RNF213: variants seen among roughly 807,000 people sequenced by gnomAD.
The protein encoded by RNF213 is ring finger protein 213, also known as E3 ubiquitin-protein ligase RNF213.
RNF213 carries 341 observed loss-of-function variants against 514.4 expected under a neutral mutation model. The ratio of observed to expected loss-of-function variants is 0.66; its 90% CI spans 0.61 to 0.73. RNF213 has a LOEUF of 0.73. Among genes scored for constraint, RNF213 ranks in the 30% least tolerant of loss-of-function variants. The probability of loss-of-function intolerance (pLI) is 0.00; values close to 1 mark genes in which losing one functional copy is unlikely to be tolerated. For synonymous variants in RNF213, 2,655 were observed against 2,658.2 expected (o/e 1.00, Z 0.04); for missense variants, 5,767 against 6,615.6 (o/e 0.87, Z 4.45).
In RNF213 at chr17:80,363,696, G is replaced by A. The variant is rs1335280057; in HGVS notation, c.11656G>A (p.Val3886Met). 6.2e-7 allele frequency: 1 copy of A among 1,613,906 alleles called. No homozygotes were observed. Among genetic ancestry groups the A allele is most frequent in the Non-Finnish European group, 8.5e-7 (1 of 1,179,984 alleles). ...KPSPQAWLQLVKNLSMPLELI... is the reference protein window; with the variant it reads ...KPSPQAWLQLMKNLSMPLELI... Reference sequence around the variant, plus strand: ...CAGTCCCCAGGCGTGGCTACAGTTGGTGAAGAATCTTTCCATGCCGCTGGA... The same window carrying A: ...CAGTCCCCAGGCGTGGCTACAGTTGATGAAGAATCTTTCCATGCCGCTGGA... Residue 3886 changes from valine (V) to methionine (M), a missense_variant, in exon 41 of 68, where the codon GTG becomes ATG. This residue lies in a region of RNF213 where 355 missense variants were observed against 358.0 expected (regional missense o/e 0.99). Transcript: ENST00000582970.
rs778092772 is a variant in RNF213, at chr17:80,363,168, G to C, written c.11422G>C (p.Glu3808Gln). The C allele has an allele frequency of 2.5e-6, 4 of 1,614,130 alleles. No homozygotes were observed. Among genetic ancestry groups the C allele is most frequent in the African/African-American group, 1.3e-5 (1 of 74,950 alleles). Residue 3808 changes from glutamate to glutamine, a missense_variant, in exon 40 of 68, where the codon GAG (glutamate) becomes CAG (glutamine). Glu to Gln is a conservative substitution (Grantham distance 29, BLOSUM62 2). Transcript: ENST00000582970. ...LKAASEAPEEEVSLPWVHLAY... is the reference protein window; with the variant it reads ...LKAASEAPEEQVSLPWVHLAY... ...AGCGGCGTCAGAAGCGCCCGAGGAAGAGGTTTCCTTACCGTGGGTGCACCT... is the reference window on the plus strand; with the variant it reads ...AGCGGCGTCAGAAGCGCCCGAGGAACAGGTTTCCTTACCGTGGGTGCACCT...
intron 22 of RNF213, among the ~76,000 whole-genome samples, 187 bp from the exon 23 acceptor site, chr17:80,335,974 C>A: frequency 2.6e-5 from 2 of 76,064 alleles, no homozygotes; most frequent in Non-Finnish European, 2.9e-5. Flanking sequence ...GAGACTCTGT[C>A]TCAAAAAAAA....
At chr17:80,320,436 G>GCCTCCCCGCAACCA (rs2046101911) in intron 17 of RNF213, 2 of 151,774 alleles carry the variant, frequency 1.3e-5, no homozygotes, top group African/African-American at 4.8e-5. Flanking sequence ...CACCGCAACC[G>GCCTCCCCGCAACCA]CTGCCTCCCG....
At chr17:80,295,852 T>G in intron 10 of RNF213, 39 bp downstream of exon 10, 1 of 1,602,898 alleles carries the variant, frequency 6.2e-7, no homozygotes, top group Non-Finnish European at 8.5e-7. Flanking sequence ...TTATAGCTAT[T>G]ATAATGATTT....
In RNF213 at chr17:80,288,377, G is replaced by A; in HGVS notation, c.810+14G>A. On this transcript the variant is annotated intron_variant, in intron 4 of 67. Coordinates refer to ENST00000582970, the MANE Select transcript of RNF213 (RefSeq NM_001256071.3). The surrounding 1 kb of genome is among the most constrained non-coding windows in gnomAD (Gnocchi z 4.9). ...TCAGCCTCTATGGTGAGTCATCCGG[G>A]AGAGATGGCCTGGGAGTGGCACTGA... 3 of 1,611,398 alleles carry A rather than the reference G, an allele frequency of 1.9e-6. No homozygotes were observed. Among genetic ancestry groups the A allele is most frequent in the Middle Eastern group, 1.8e-4 (1 of 5,704 alleles).
Position 80,345,446 on chromosome 17 carries a change from C to T in RNF213, c.7111C>T (p.His2371Tyr). The T allele has an allele frequency of 6.2e-7, 1 of 1,612,484 alleles. No individual in the cohort carries two copies. The change falls in exon 29 of 68, where the codon CAC becomes TAC. Residue 2371 changes from histidine to tyrosine, a missense_variant. Around this residue, in one of 13 missense-constraint regions of RNF213, gnomAD observed 1,377 missense variants for 1,635.2 expected, o/e 0.84. Coordinates refer to ENST00000582970, the MANE Select transcript of RNF213 (RefSeq NM_001256071.3). This position sits in a 1 kb window ranked among gnomAD's most constrained non-coding sequence, Gnocchi z 6.0. ...TGTCGACTTTGATAAACTGCCCAGA[C>T]ACAAGAAACTTGAGAGGCTCTGCCT... Reference protein sequence around the residue: ...FNVDFDKLPRHKKLERLCLTL... With the variant: ...FNVDFDKLPRYKKLERLCLTL...
At chr17:80,265,140 G>A (rs1380262110) in intron 2 of RNF213, among the ~76,000 whole-genome samples, 5 of 150,954 alleles carry the variant, frequency 3.3e-5, no homozygotes, top group South Asian at 2.1e-4. Flanking sequence ...TCTGCCTCCC[G>A]GGTTCAAGTG....
In RNF213 at chr17:80,320,059, A is replaced by G. The variant is rs910635668; in HGVS notation, c.3024+747A>G. 6 of 996,226 alleles carry G rather than the reference A, an allele frequency of 6.0e-6. No homozygotes were observed. The African/African-American group carries it at 1.0e-4, about 17-fold the overall frequency. 61.7% of individuals were successfully genotyped at this position (996,226 alleles called of 1,614,324 possible). A position where few individuals can be genotyped will look rare whatever the true frequency, so the allele number is the denominator to read the frequency against. On this transcript the variant is annotated intron_variant, in intron 17 of 67. Transcript: ENST00000582970. The stretch of plus-strand genomic sequence containing the variant: ...TCGTATGCCATACGGTACATCTGTC[A>G]AAAGTTCCAGTTCAGCAGGTTTTGG...
intron 63 of RNF213, among the ~76,000 whole-genome samples, chr17:80,387,544 AC>A (rs1346441329): frequency 3.3e-5 from 5 of 152,180 alleles, no homozygotes; most frequent in African/African-American, 9.6e-5. Context: ...GCCAAAGCCC[AC>A]CCTGTAGTTA....
chr17:80,385,147 G>A lies in RNF213; in HGVS notation c.14431G>A (p.Gly4811Ser), dbSNP rs2080181963. Residue 4811 changes from glycine to serine, a missense_variant, in exon 60 of 68, where the codon GGC becomes AGC. Gly to Ser is a moderately conservative substitution (Grantham distance 56, BLOSUM62 0). Coordinates refer to ENST00000582970, the MANE Select transcript of RNF213 (RefSeq NM_001256071.3). ...VQQVEYSSIR[G>S]FLSKHSSDGL... ...GCAAGTTGAATACAGCTCCATCAGA[G>A]GCTTCCTCAGCAAGCACAGCTCAGG... is the stretch of plus-strand genomic sequence containing the variant. 1 of 1,614,018 alleles carries A rather than the reference G, an allele frequency of 6.2e-7. No individual in the cohort carries two copies.
intron 65 of RNF213, 44 bp downstream of exon 65, chr17:80,389,411 T>C: frequency 6.4e-7 from 1 of 1,566,660 alleles, no homozygotes. Context: ...CCCCTCACCC[T>C]GGTCTCCTGC....
Position 80,347,137 on chromosome 17 carries a change from C to G in RNF213, c.8802C>G (p.Ser2934=). ...VQDRVQGYFA[S]FAKAYETVCK... The stretch of plus-strand genomic sequence containing the variant: ...ACCGAGTCCAAGGGTACTTTGCGTC[C>G]TTTGCCAAAGCCTACGAAACGGTGT... Residue 2934 remains serine, a synonymous_variant, in exon 29 of 68, where the codon TCC becomes TCG. Transcript: ENST00000582970. This position sits in a 1 kb window ranked among gnomAD's most constrained non-coding sequence, Gnocchi z 7.2. 1 of 1,614,052 alleles carries G rather than the reference C, an allele frequency of 6.2e-7. No individual in the cohort carries two copies. The highest frequency in any genetic ancestry group is 1.1e-5 in the South Asian group (1 of 91,068).
intron 36 of RNF213, among the ~76,000 whole-genome samples, chr17:80,356,924 T>G (rs1459834905): frequency 6.3e-5 from 1 of 15,908 alleles, no homozygotes; most frequent in East Asian, 8.8e-4. Flanking sequence ...CCTTGTGGGG[T>G]TTTTTTTTTT....
chr17:80,286,424 T>C (rs907080092), intron 3 of RNF213, among the ~76,000 whole-genome samples: 2 of 152,156 alleles, frequency 1.3e-5, no homozygotes, highest in African/African-American at 4.8e-5. Flanking sequence ...GGGGTTGCAG[T>C]GTCGGCCTGG....
At position 80,332,304 on chromosome 17, in the gene RNF213, A is replaced by G. The variant is rs1305126077; in HGVS notation, c.3816A>G (p.Glu1272=). 6.5e-7 allele frequency: 1 copy of G among 1,537,114 alleles called. No individual in the cohort carries two copies. Among genetic ancestry groups the G allele is most frequent in the Non-Finnish European group, 8.7e-7 (1 of 1,146,922 alleles). ...EESERHILEL[E]EVYDYLYQPS... ...CAGAAAGGCACATCCTTGAGCTTGA[A>G]GAGGTGTATGACTATTTGTATCAGC... Residue 1272 remains glutamate (E), a synonymous_variant, in exon 21 of 68, where the codon GAA becomes GAG. Coordinates refer to ENST00000582970, the MANE Select transcript of RNF213 (RefSeq NM_001256071.3).
intron 52 of RNF213, 33 bp from the exon 53 acceptor site, chr17:80,376,849 A>G: frequency 6.3e-7 from 1 of 1,584,160 alleles, no homozygotes; most frequent in Non-Finnish European, 8.7e-7. Flanking sequence ...AAGCTCACTT[A>G]TCTAGAGCTG....
rs774782676 is a variant in RNF213, at chr17:80,288,249, T to C, written c.696T>C (p.Ser232=). The C allele has an allele frequency of 1.2e-6, 2 of 1,613,286 alleles. No individual in the cohort carries two copies. The highest frequency in any genetic ancestry group is 1.7e-6 in the Non-Finnish European group (2 of 1,179,996). Residue 232 remains serine (S), a synonymous_variant, in exon 4 of 68, where the codon TCT becomes TCC. Coordinates refer to ENST00000582970, the MANE Select transcript of RNF213 (RefSeq NM_001256071.3). The surrounding 1 kb of genome is among the most constrained non-coding windows in gnomAD (Gnocchi z 4.9). Reference sequence around the variant, plus strand: ...CCACCTCTGCTGGTGAAGGCCATTCTAGGACTGAAGATGCTGCCCAGGAGC... The same window carrying C: ...CCACCTCTGCTGGTGAAGGCCATTCCAGGACTGAAGATGCTGCCCAGGAGC... ...GPPTSAGEGH[S]RTEDAAQELL... is the part of the protein sequence containing the mutation.
chr17:80,334,418 G>GA (rs2077924917), intron 22 of RNF213, 148 bp downstream of exon 22: 1 of 781,604 alleles, frequency 1.3e-6, no homozygotes, highest in South Asian at 1.9e-5. Context: ...GCTTTAGGGA[G>GA]ATGGGCACTG....
chr17:80,289,500 G>T (rs1266437966), intron 5 of RNF213, among the ~76,000 whole-genome samples, 159 bp from the exon 6 acceptor site: 2 of 151,476 alleles, frequency 1.3e-5, no homozygotes, highest in East Asian at 3.9e-4. Context: ...TGTCGCAGGA[G>T]AATTGCTTGA....
Sources: gnomAD v4.1 joint callset for allele counts (sites outside exome capture counted in the v4.1 genomes callset) on GRCh38, gnomAD v4.1.1 for gene constraint, gnomAD v4.1.1 regional missense constraint, Gnocchi (gnomAD v3.1) non-coding constraint, MANE v1.5 for transcripts, NCBI Gene and HGNC (gene_info 2026-07-23, HGNC 2026-07-21) for gene names.